The following FBXL13 variants were observed in gnomAD, a reference collection of about 807,000 sequenced individuals.
FBXL13 encodes F-box and leucine-rich repeat protein 13.
In FBXL13, 67 loss-of-function variants were observed where a neutral mutation model predicts 83.6. The observed-to-expected ratio is 0.80, with a 90% CI of 0.66 to 0.98. FBXL13 has a LOEUF of 0.98. FBXL13 is among the 50% of genes least tolerant of loss of function. The pLI, the probability that FBXL13 is intolerant of heterozygous loss-of-function variation, is 0.00. For synonymous variants in FBXL13, 272 were observed against 299.5 expected, an observed-to-expected ratio of 0.91 and a Z score of 0.95; for missense variants, 822 against 866.5, an observed-to-expected ratio of 0.95 and a Z score of 0.64.
chr7:102,881,712 T>A, intron 14 of FBXL13, among the ~76,000 whole-genome samples: 1 of 152,128 alleles, frequency 6.6e-6, no homozygotes. Context: ...TGGTTCTAGC[T>A]CAGGGTCTCT....
intron 2 of FBXL13, 57 bp from the exon 3 acceptor site, chr7:103,055,235 T>C: frequency 1.1e-6 from 1 of 933,016 alleles, no homozygotes; most frequent in Non-Finnish European, 1.5e-6. Context: ...GTTAGTTCCG[T>C]AATTAAATCA....
chr7:102,966,701 G>A (rs1377844042), intron 7 of FBXL13, among the ~76,000 whole-genome samples: 3 of 152,138 alleles, frequency 2.0e-5, no homozygotes, highest in Admixed American at 2.0e-4. Flanking sequence ...ATTGTATGTT[G>A]CTCCATCCTC....
chr7:102,934,231 G>T lies in FBXL13; in HGVS notation c.725-2298C>A, dbSNP rs1253743844. 6.2e-7 allele frequency: 1 copy of T among 1,614,206 alleles called. No individual in the cohort carries two copies. The highest frequency in any genetic ancestry group is 2.2e-5 in the East Asian group (1 of 44,888). ...ACAACATGTTTTCCAAGTTTAAAAA[G>T]CTGAAAAGCCTGGATCTGCAGCAGA... is the stretch of plus-strand genomic sequence containing the variant. On this transcript the variant is annotated intron_variant, in intron 8 of 19. Coordinates refer to ENST00000313221, the Ensembl canonical transcript of FBXL13.
intron 11 of FBXL13, among the ~76,000 whole-genome samples, chr7:102,901,621 G>C (rs1318827934): frequency 1.3e-5 from 2 of 151,864 alleles, no homozygotes; most frequent in African/African-American, 4.8e-5. Flanking sequence ...CAATTGTTTT[G>C]ATTTTTATTA....
chr7:102,853,663 C>CA (rs1350214980), intron 17 of FBXL13, among the ~76,000 whole-genome samples: 1 of 151,958 alleles, frequency 6.6e-6, no homozygotes, highest in African/African-American at 2.4e-5. Context: ...TGAACTCAAA[C>CA]AAATTTACAA....
At chr7:102,854,904 G>A (rs763768515) in intron 16 of FBXL13, 44 bp from the exon 18 acceptor site, 3 of 1,137,258 alleles carry the variant, frequency 2.6e-6, no homozygotes, top group East Asian at 2.5e-5. Context: ...TTATCATTTA[G>A]TATGGAATAT....
exon 14 of FBXL13, chr7:102,883,430 T>G (rs1225028442): frequency 6.2e-7 from 1 of 1,613,214 alleles, no homozygotes; most frequent in Non-Finnish European, 8.5e-7. Context: ...AATTCTTGTC[T>G]ATAAATTTGA....
intron 8 of FBXL13, among the ~76,000 whole-genome samples, chr7:102,947,336 A>G (rs999552937): frequency 6.6e-6 from 1 of 152,150 alleles, no homozygotes; most frequent in African/African-American, 2.4e-5. Flanking sequence ...TAATTTTTAG[A>G]GGCTAGTTAG....
At chr7:102,963,358 G>A (rs1825577950) in intron 8 of FBXL13, among the ~76,000 whole-genome samples, 175 bp downstream of exon 9, 1 of 151,572 alleles carries the variant, frequency 6.6e-6, no homozygotes, top group Non-Finnish European at 1.5e-5. Flanking sequence ...CAACTCCCAG[G>A]GCATGCAATA....
At chr7:102,925,650 T>C (rs1028700293) in intron 10 of FBXL13, among the ~76,000 whole-genome samples, 14 of 152,004 alleles carry the variant, frequency 9.2e-5, no homozygotes, top group African/African-American at 2.9e-4. Flanking sequence ...CATTCTATTA[T>C]AAAGAGGTCC....
At chr7:103,040,200 A>G (rs1230844759) in intron 2 of FBXL13, among the ~76,000 whole-genome samples, 1 of 152,162 alleles carries the variant, frequency 6.6e-6, no homozygotes, top group African/African-American at 2.4e-5. Flanking sequence ...CAGACTTTAA[A>G]CCAACAGAGA....
chr7:102,842,848 T>C (rs1352961607), intron 17 of FBXL13, among the ~76,000 whole-genome samples: 1 of 152,218 alleles, frequency 6.6e-6, no homozygotes, highest in African/African-American at 2.4e-5. Context: ...CCTCAGTTTC[T>C]ACTTAGACTA....
intron 6 of FBXL13, among the ~76,000 whole-genome samples, chr7:103,018,863 A>G (rs1792737926): frequency 2.0e-5 from 3 of 152,146 alleles, no homozygotes; most frequent in African/African-American, 7.2e-5. Flanking sequence ...TTAGACTCCC[A>G]CACAATAATA....
chr7:102,920,372 G>GA (rs1554457644), intron 10 of FBXL13, among the ~76,000 whole-genome samples: 1 of 149,572 alleles, frequency 6.7e-6, no homozygotes, highest in Non-Finnish European at 1.5e-5. Context: ...CATACACTCA[G>GA]TTTTTTTTTT....
intron 6 of FBXL13, among the ~76,000 whole-genome samples, chr7:103,020,522 A>T (rs61057427): frequency 2.6e-5 from 4 of 152,374 alleles, no homozygotes; most frequent in African/African-American, 9.6e-5. Context: ...TTAAGAAAAG[A>T]GGAAGTCAAA....
At chr7:102,842,594 A>C (rs1803145595) in intron 17 of FBXL13, among the ~76,000 whole-genome samples, 1 of 152,254 alleles carries the variant, frequency 6.6e-6, no homozygotes, top group Admixed American at 6.5e-5. Flanking sequence ...ACTGGAGAAT[A>C]ATCCAGTTCT....
intron 6 of FBXL13, among the ~76,000 whole-genome samples, chr7:103,012,465 A>G (rs1270222539): frequency 1.3e-5 from 2 of 152,182 alleles, no homozygotes; most frequent in Non-Finnish European, 2.9e-5. Flanking sequence ...CTGTCGGCAG[A>G]AACCCTACAA....
chr7:102,939,095 C>G (rs1820882395), intron 8 of FBXL13, among the ~76,000 whole-genome samples: 1 of 152,178 alleles, frequency 6.6e-6, no homozygotes, highest in African/African-American at 2.4e-5. Flanking sequence ...GATGTGGGTT[C>G]AATAAGCAAG....
chr7:102,924,958 C>G (rs943688319), intron 10 of FBXL13, among the ~76,000 whole-genome samples: 1 of 152,062 alleles, frequency 6.6e-6, no homozygotes, highest in African/African-American at 2.4e-5. Context: ...GTCTCATCAC[C>G]GTTATTTTTC....
Sources: allele counts gnomAD v4.1 joint callset (sites outside exome capture counted in the v4.1 genomes callset), GRCh38; gene constraint gnomAD v4.1.1; transcripts MANE v1.5; gene names NCBI Gene and HGNC (gene_info 2026-07-23, HGNC 2026-07-21).